The following SPTBN2 variants were observed in gnomAD, a reference collection of about 807,000 sequenced individuals.
SPTBN2 encodes spectrin beta chain, non-erythrocytic 2.
In SPTBN2, 107 loss-of-function variants were observed where a neutral mutation model predicts 284.2. The observed-to-expected ratio is 0.38, with a 90% CI of 0.32 to 0.44. SPTBN2 has a LOEUF of 0.44. Among genes scored for constraint, SPTBN2 ranks in the 20% least tolerant of loss-of-function variants. The probability of loss-of-function intolerance (pLI) is 1.00; values close to 1 mark genes in which losing one functional copy is unlikely to be tolerated. For synonymous variants in SPTBN2, 1,289 were observed against 1,354.8 expected, an observed-to-expected ratio of 0.95 and a Z score of 1.07; for missense variants, 2,569 against 3,287.1, an observed-to-expected ratio of 0.78 and a Z score of 5.34.
chr11:66,686,731 C>T, intron 36 of SPTBN2: 1 of 636,352 alleles, frequency 1.6e-6, no homozygotes, highest in East Asian at 2.7e-5. Context: ...TCCCAGATCC[C>T]TACCTTTGGA....
At position 66,692,686 on chromosome 11, in the gene SPTBN2, C is replaced by T; in HGVS notation, c.5040G>A (p.Lys1680=). Residue 1680 remains lysine, a synonymous_variant, in exon 26 of 38, where the codon AAG becomes AAA. Transcript: ENST00000533211. ...AQVDKLYAGL[K]ELAGERRERL... ...GCTCCCGCCGCTCTCCAGCCAGCTC[C>T]TTCAGGCCGGCATACAGCTTGTCCA... 1 of 1,604,990 alleles carries T rather than the reference C, an allele frequency of 6.2e-7. No homozygotes were observed. The highest frequency in any genetic ancestry group is 8.5e-7 in the Non-Finnish European group (1 of 1,179,958).
Position 66,691,964 on chromosome 11 carries a change from T to C in SPTBN2, c.5191-306A>G, listed in dbSNP as rs1940581751. ...ACTGAGGGTCCAAGCCCCCAAACTG[T>C]CGGGGGGGTGGATCATACTCCGTTT... On this transcript the variant is annotated intron_variant, in intron 26 of 37. Transcript: ENST00000533211. This position sits in a 1 kb window ranked among gnomAD's most constrained non-coding sequence, Gnocchi z 8.0. 6.6e-6 allele frequency among the ~76,000 whole-genome samples: 1 copy of C among 152,182 alleles called. No homozygotes were observed. Among genetic ancestry groups the C allele is most frequent in the Non-Finnish European group, 1.5e-5 (1 of 68,036 alleles).
At chr11:66,711,880 T>C (rs952001307) in intron 8 of SPTBN2, among the ~76,000 whole-genome samples, 3 of 152,200 alleles carry the variant, frequency 2.0e-5, no homozygotes, top group Non-Finnish European at 4.4e-5. Flanking sequence ...CTGACACTTG[T>C]CATTCTGCAG....
Position 66,714,368 on chromosome 11 carries a change from T to A in SPTBN2, c.523A>T (p.Lys175Ter), listed in dbSNP as rs1431236793. The change falls in exon 6 of 38, where the codon AAG becomes TAG. Residue 175 changes from lysine to a stop codon, truncating the protein, a stop_gained. Coordinates refer to ENST00000533211, the MANE Select transcript of SPTBN2 (RefSeq NM_006946.4). LOFTEE classifies it high-confidence loss of function. ...ISVETEDNKE[K>*]KSAKDALLLW... Reference sequence around the variant, plus strand: ...AGCAGGGCATCCTTGGCTGACTTCTTCTCCTTGTTGTCTTCTGTCTCCACA... The same window carrying A: ...AGCAGGGCATCCTTGGCTGACTTCTACTCCTTGTTGTCTTCTGTCTCCACA... 6.2e-7 allele frequency: 1 copy of A among 1,614,006 alleles called. No individual in the cohort carries two copies. Among genetic ancestry groups the A allele is most frequent in the South Asian group, 1.1e-5 (1 of 91,076 alleles).
chr11:66,698,264 T>C (rs1191481245), intron 20 of SPTBN2, among the ~76,000 whole-genome samples: 1 of 152,172 alleles, frequency 6.6e-6, no homozygotes, highest in Non-Finnish European at 1.5e-5. Context: ...CAGAGATGAG[T>C]AGTTGTAGTA....
At chr11:66,695,808 CA>C (rs1211359256) in intron 21 of SPTBN2, among the ~76,000 whole-genome samples, 1 of 151,988 alleles carries the variant, frequency 6.6e-6, no homozygotes, top group Non-Finnish European at 1.5e-5. Context: ...CGGCTCACTG[CA>C]ACCTCTGTCT....
rs1940714138 is a variant in SPTBN2 at position 66,693,591 on chromosome 11, T to TCAGCCGCC, written c.4594-153_4594-146dup. The TCAGCCGCC allele has an allele frequency of 4.2e-6, 6 of 1,412,474 alleles. No individual in the cohort carries two copies. The South Asian group carries it at 7.6e-5, about 18-fold the overall frequency. The allele number at this position is 1,412,474 out of a possible 1,614,324, so 87.5% of individuals were successfully genotyped here. A position where few individuals can be genotyped will look rare whatever the true frequency, so the allele number is the denominator to read the frequency against. ...CCTGGGGGTGCGATGGTAACACCCG[T>TCAGCCGCC]CAGCCGCCCAGCCCCCACTATCTCC... On this transcript the variant is annotated intron_variant, in intron 23 of 37. Coordinates refer to ENST00000533211, the MANE Select transcript of SPTBN2 (RefSeq NM_006946.4). This position sits in a 1 kb window ranked among gnomAD's most constrained non-coding sequence, Gnocchi z 5.7.
At chr11:66,742,854 C>T (rs1035315666) in intron 1 of SPTBN2, among the ~76,000 whole-genome samples, 1 of 152,198 alleles carries the variant, frequency 6.6e-6, no homozygotes, top group African/African-American at 2.4e-5. Context: ...AAATGATCCA[C>T]CCACCTGGGC....
In SPTBN2 at chr11:66,700,535, G is replaced by T; in HGVS notation, c.3564C>A (p.Leu1188=). ...TGCCCTGGACTTTCACCTGGCTGCT[G>T]AGCACGCCCTCAGCCTGACGAGCAT... ...LRDARQAEGV[L]SSQEYVLSHT... Residue 1188 remains leucine, a synonymous_variant, in exon 17 of 38, where the codon CTC becomes CTA. Transcript: ENST00000533211. The surrounding 1 kb of genome is among the most constrained non-coding windows in gnomAD (Gnocchi z 6.6). 1 of 1,604,244 alleles carries T rather than the reference G, an allele frequency of 6.2e-7. No individual in the cohort carries two copies.
chr11:66,715,426 G>A lies in SPTBN2; in HGVS notation c.310-31C>T, dbSNP rs1415395552. The A allele has an allele frequency of 1.4e-5, 23 of 1,592,476 alleles. No individual in the cohort carries two copies. The highest frequency in any genetic ancestry group is 2.0e-5 in the Non-Finnish European group (23 of 1,166,486). ...GAGGGACGGGGGCAAAATGGCACGG[G>A]ACTGTGGGCTTCCACCTTCTTCCCC... On this transcript the variant is annotated intron_variant, in intron 4 of 37. Coordinates refer to ENST00000533211, the MANE Select transcript of SPTBN2 (RefSeq NM_006946.4). The surrounding 1 kb of genome is among the most constrained non-coding windows in gnomAD (Gnocchi z 5.3).
At chr11:66,703,455 C>T (rs1004388490) in intron 15 of SPTBN2, among the ~76,000 whole-genome samples, 2 of 151,250 alleles carry the variant, frequency 1.3e-5, no homozygotes, top group East Asian at 2.0e-4. Flanking sequence ...ATTCCTGACC[C>T]GGCGCAGTGG....
At position 66,742,293 on chromosome 11, in the gene SPTBN2, G is replaced by T. The variant is rs143802558; in HGVS notation, c.-475+2249C>A. ...ATATATCAAGCCTATATTGCATGCTGCCTGAATACGTGGGTTTACGCTACG... is the reference window on the plus strand; with the variant it reads ...ATATATCAAGCCTATATTGCATGCTTCCTGAATACGTGGGTTTACGCTACG... On this transcript the variant is annotated intron_variant, in intron 1 of 37. Coordinates refer to the SPTBN2 transcript ENST00000611817. 5.6e-4 allele frequency among the ~76,000 whole-genome samples: 86 copies of T among 152,288 alleles called. 1 individual carries two copies. The highest frequency in any genetic ancestry group is 2.0e-3 in the African/African-American group (84 of 41,562).
intron 36 of SPTBN2, chr11:66,686,667 G>T: frequency 1.6e-6 from 1 of 640,642 alleles, no homozygotes; most frequent in Non-Finnish European, 2.7e-6. Flanking sequence ...ACCCCAGCCC[G>T]GGCCTCCTGC....
At chr11:66,714,044 T>A in intron 7 of SPTBN2, 47 bp downstream of exon 7, 1 of 1,597,574 alleles carries the variant, frequency 6.3e-7, no homozygotes, top group Non-Finnish European at 8.6e-7. Flanking sequence ...CCCAGGTCAT[T>A]AGCCGACCCA....
At chr11:66,739,726 T>G (rs1485363916) in intron 1 of SPTBN2, among the ~76,000 whole-genome samples, 47 of 152,088 alleles carry the variant, frequency 3.1e-4, no homozygotes, top group Non-Finnish European at 2.9e-5. Context: ...TACTTAGAGA[T>G]AAGGTAAAAA....
intron 21 of SPTBN2, among the ~76,000 whole-genome samples, chr11:66,694,788 T>C (rs1276283452): frequency 6.6e-6 from 1 of 152,224 alleles, no homozygotes; most frequent in African/African-American, 2.4e-5. Flanking sequence ...AACTGGCCCC[T>C]GGAAACATTC....
At chr11:66,702,584 G>A (rs1434940865) in intron 15 of SPTBN2, among the ~76,000 whole-genome samples, 2 of 152,208 alleles carry the variant, frequency 1.3e-5, no homozygotes, top group African/African-American at 4.8e-5. Flanking sequence ...CCCTGCTGCT[G>A]TAGCCTGAAA....
Position 66,685,844 on chromosome 11 carries a change from G to A in SPTBN2, c.*27C>T, listed in dbSNP as rs1293789162. 29 of 1,605,260 alleles carry A rather than the reference G, an allele frequency of 1.8e-5. No individual in the cohort carries two copies. The highest frequency in any genetic ancestry group is 2.5e-5 in the Non-Finnish European group (29 of 1,172,954). ...CTGGCAGTTTCCTGAACGGAGGGAG[G>A]GAGTTGGCCTGGGACCTTGCCCCCA... On this transcript the variant is annotated 3_prime_UTR_variant, in exon 38 of 38. Coordinates refer to ENST00000533211, the MANE Select transcript of SPTBN2 (RefSeq NM_006946.4). This position sits in a 1 kb window ranked among gnomAD's most constrained non-coding sequence, Gnocchi z 4.4.
rs747836647 is a variant in SPTBN2, at chr11:66,691,060, G to A, written c.5565+224C>T. 1.4e-4 allele frequency among the ~76,000 whole-genome samples: 21 copies of A among 152,052 alleles called. No homozygotes were observed. Among genetic ancestry groups the A allele is most frequent in the Non-Finnish European group, 2.2e-4 (15 of 68,000 alleles). On this transcript the variant is annotated intron_variant, in intron 27 of 37. Coordinates refer to ENST00000533211, the MANE Select transcript of SPTBN2 (RefSeq NM_006946.4). This position sits in a 1 kb window ranked among gnomAD's most constrained non-coding sequence, Gnocchi z 8.0. ...TCGAACTCCCAATCTCAGATGATCCGCCCTCCTCGGCCTCCCAAAGTGCTG... is the reference window on the plus strand; with the variant it reads ...TCGAACTCCCAATCTCAGATGATCCACCCTCCTCGGCCTCCCAAAGTGCTG...
Sources: gnomAD v4.1 joint callset for allele counts (sites outside exome capture counted in the v4.1 genomes callset) on GRCh38, gnomAD v4.1.1 for gene constraint, Gnocchi (gnomAD v3.1) non-coding constraint, MANE v1.5 for transcripts, NCBI Gene and HGNC (gene_info 2026-07-23, HGNC 2026-07-21) for gene names.